MAMDC2: variants seen among roughly 807,000 people sequenced by gnomAD.
MAMDC2 encodes MAM domain-containing protein 2.
A neutral mutation model predicts 89.8 loss-of-function variants in MAMDC2; 57 were observed. The observed-to-expected ratio is 0.63, with a 90% CI of 0.51 to 0.79. The LOEUF (loss-of-function observed/expected upper bound fraction) is 0.79, where lower values mean the gene tolerates loss of function less well. Among genes scored for constraint, MAMDC2 ranks in the 30% least tolerant of loss-of-function variants. The pLI is 0.00. For synonymous variants in MAMDC2, 313 were observed against 293.4 expected (o/e 1.07, Z -0.68); for missense variants, 800 against 820.6 (o/e 0.97, Z 0.31).
chr9:70,090,429 G>C (rs1827867888), intron 2 of MAMDC2, among the ~76,000 whole-genome samples: 1 of 148,872 alleles, frequency 6.7e-6, no homozygotes, highest in Admixed American at 6.7e-5. Flanking sequence ...GGCTGCAGTG[G>C]GTCATGATCA....
intron 3 of MAMDC2, 47 bp from the exon 4 acceptor site, chr9:70,109,673 A>G (rs1828447431): frequency 6.9e-7 from 1 of 1,446,702 alleles, no homozygotes; most frequent in South Asian, 1.2e-5. Flanking sequence ...CCAAGGAAAC[A>G]TGATGTTTTG....
At chr9:70,154,098 A>T (rs978524094) in intron 9 of MAMDC2, 2 of 152,356 alleles carry the variant, frequency 1.3e-5, no homozygotes, top group South Asian at 4.1e-4. Context: ...ACCTATCACC[A>T]TCATACTACT....
chr9:70,106,833 C>A (rs571865532), intron 2 of MAMDC2, among the ~76,000 whole-genome samples: 16 of 152,290 alleles, frequency 1.1e-4, no homozygotes, highest in South Asian at 4.2e-4. Context: ...TCCCTGAAGA[C>A]AATGCCCTAA....
chr9:70,163,952 CAAAA>C (rs34029718), intron 9 of MAMDC2, among the ~76,000 whole-genome samples: 2 of 70,080 alleles, frequency 2.9e-5, no homozygotes, highest in Admixed American at 3.4e-4. Flanking sequence ...GACTCTGTCT[CAAAA>C]AAAAAAAAAA....
intron 2 of MAMDC2, among the ~76,000 whole-genome samples, chr9:70,045,331 G>A (rs1459756964): frequency 1.3e-5 from 2 of 152,108 alleles, no homozygotes; most frequent in African/African-American, 2.4e-5. Context: ...TGGGTCCCAA[G>A]GACAAAGTTT....
At chr9:70,140,090 T>G in intron 7 of MAMDC2, 55 bp from the exon 8 acceptor site, 1 of 1,493,492 alleles carries the variant, frequency 6.7e-7, no homozygotes, top group Non-Finnish European at 8.9e-7. Context: ...AACCAGTTGA[T>G]GTAGTCCTTT....
intron 2 of MAMDC2, among the ~76,000 whole-genome samples, chr9:70,058,713 C>G (rs1827081084): frequency 6.6e-6 from 1 of 152,164 alleles, no homozygotes; most frequent in Non-Finnish European, 1.5e-5. Context: ...TTCTGCTGCA[C>G]TTTGAGGCAA....
chr9:70,127,436 G>C (rs1291618924), intron 6 of MAMDC2, among the ~76,000 whole-genome samples: 1 of 114,714 alleles, frequency 8.7e-6, no homozygotes, highest in Non-Finnish European at 1.9e-5. Flanking sequence ...GCTATAAGTA[G>C]AGTCTTGGTT....
In MAMDC2 at chr9:70,108,231, A is replaced by T; in HGVS notation, c.169A>T (p.Thr57Ser). 6 of 1,605,016 alleles carry T rather than the reference A, an allele frequency of 3.7e-6. No homozygotes were observed. The highest frequency in any genetic ancestry group is 5.1e-6 in the Non-Finnish European group (6 of 1,176,244). ...TCCAGGCCATTACATTTATGTGGAT[A>T]CCTCCTTTGGCAAGCAGGGGGAGAA... is the stretch of plus-strand genomic sequence containing the variant. The part of the protein sequence containing the change: ...NEEGHYIYVD[T>S]SFGKQGEKAV... Residue 57 changes from threonine to serine, a missense_variant, in exon 3 of 14, where the codon ACC (threonine) becomes TCC (serine). Physicochemically the swap from Thr to Ser is moderately conservative, Grantham distance 58 (BLOSUM62 1). Coordinates refer to ENST00000377182, the MANE Select transcript of MAMDC2 (RefSeq NM_153267.5).
intron 7 of MAMDC2, among the ~76,000 whole-genome samples, chr9:70,139,661 G>A (rs2031136472): frequency 6.6e-6 from 1 of 152,102 alleles, no homozygotes; most frequent in African/African-American, 2.4e-5. Flanking sequence ...GAGTCAATTG[G>A]TAATTCTAGT....
chr9:70,186,786 C>T (rs1053184884), intron 11 of MAMDC2, among the ~76,000 whole-genome samples: 2 of 152,120 alleles, frequency 1.3e-5, no homozygotes, highest in East Asian at 1.9e-4. Context: ...TTACTTGTAG[C>T]GGAAGGCAAA....
At chr9:70,045,419 T>A (rs796105042) in intron 2 of MAMDC2, among the ~76,000 whole-genome samples, 6 of 152,332 alleles carry the variant, frequency 3.9e-5, no homozygotes, top group African/African-American at 1.4e-4. Flanking sequence ...TGGTTCTCAG[T>A]ACCCAATGGC....
At chr9:70,064,326 T>C (rs540252426) in intron 2 of MAMDC2, among the ~76,000 whole-genome samples, 2 of 152,298 alleles carry the variant, frequency 1.3e-5, no homozygotes, top group East Asian at 3.9e-4. Context: ...CCTTTCCACC[T>C]GAGTCCCCAA....
At chr9:70,216,546 T>C (rs1490888667) in intron 11 of MAMDC2, 1 of 152,200 alleles carries the variant, frequency 6.6e-6, no homozygotes, top group Non-Finnish European at 1.5e-5. Context: ...CCATCTCCAA[T>C]TACTATCACA....
At chr9:70,077,011 T>C (rs1827546992) in intron 2 of MAMDC2, among the ~76,000 whole-genome samples, 1 of 152,184 alleles carries the variant, frequency 6.6e-6, no homozygotes, top group Non-Finnish European at 1.5e-5. Flanking sequence ...CAGGTCACTC[T>C]TTTTCTTTAC....
chr9:70,118,297 AACACACACACACACACAC>A lies in MAMDC2; in HGVS notation c.643+5199_643+5216del, dbSNP rs6151026. On this transcript the variant is annotated intron_variant, in intron 5 of 13. Transcript: ENST00000377182. ...CATTCATTAGCCAACATCCCCACTC[AACACACACACACACACAC>A]ACACACACACACACACACACACACA... Among the ~76,000 whole-genome samples the A allele has an allele frequency of 8.1e-4, 114 of 140,550 alleles. 1 individual carries two copies. The highest frequency in any genetic ancestry group is 1.9e-3 in the South Asian group (8 of 4,318). The allele number at this position is 140,550 out of a possible 152,430, so 92.2% of individuals were successfully genotyped here.
chr9:70,203,875 C>T (rs1023700518), intron 11 of MAMDC2, among the ~76,000 whole-genome samples: 3 of 122,454 alleles, frequency 2.4e-5, no homozygotes, highest in African/African-American at 6.0e-5. Context: ...GCATTCTTCA[C>T]GTAGTTCTCG....
chr9:70,044,334 G>A (rs1007160945), intron 1 of MAMDC2, 103 bp downstream of exon 1: 7 of 1,307,192 alleles, frequency 5.4e-6, no homozygotes, highest in East Asian at 2.4e-5. Context: ...TGGGCCATCC[G>A]AGGGCGCCTC....
chr9:70,112,908 G>GAAAA, intron 4 of MAMDC2, 87 bp from the exon 5 acceptor site: 1 of 1,532,282 alleles, frequency 6.5e-7, no homozygotes, highest in Non-Finnish European at 9.0e-7. Context: ...AGAAACTTCT[G>GAAAA]AATATCTAAG....
Sources: allele counts gnomAD v4.1 joint callset (sites outside exome capture counted in the v4.1 genomes callset), GRCh38; gene constraint gnomAD v4.1.1; transcripts MANE v1.5; gene names NCBI Gene and HGNC (gene_info 2026-07-23, HGNC 2026-07-21).